The following NUSAP1 variants were observed in gnomAD, a reference collection of about 807,000 sequenced individuals.
NUSAP1 encodes the protein nucleolar and spindle-associated protein 1.
Under a neutral mutation model 52.8 loss-of-function variants are expected in NUSAP1, and 32 were observed. The observed-to-expected ratio is 0.61, with a 90% confidence interval of 0.46 to 0.81. The LOEUF (loss-of-function observed/expected upper bound fraction) is 0.81. NUSAP1 is among the 40% of genes least tolerant of loss of function. NUSAP1 has a pLI of 0.00. For missense variants in NUSAP1, 499 were observed against 522.3 expected (o/e 0.96, Z 0.43); for synonymous variants, 195 against 183.1 (o/e 1.06, Z -0.52).
At chr15:41,365,220 G>A (rs1034048061) in intron 6 of NUSAP1, among the ~76,000 whole-genome samples, 182 bp from the exon 7 acceptor site, 1 of 150,636 alleles carries the variant, frequency 6.6e-6, no homozygotes, top group Non-Finnish European at 1.5e-5. Flanking sequence ...AGGCTGGTGT[G>A]ATCTCGGCTC....
At chr15:41,352,648 G>A (rs1414887073) in intron 4 of NUSAP1, among the ~76,000 whole-genome samples, 9 of 151,836 alleles carry the variant, frequency 5.9e-5, no homozygotes, top group Admixed American at 5.3e-4. Context: ...GAGCACAGTG[G>A]CACGATCTCA....
At position 41,351,082 on chromosome 15, in the gene NUSAP1, C is replaced by A. The variant is rs373496789; in HGVS notation, c.401C>A (p.Pro134His). The A allele has an allele frequency of 1.5e-4, 239 of 1,613,524 alleles. No individual in the cohort carries two copies. Among genetic ancestry groups the A allele is most frequent in the Non-Finnish European group, 1.9e-4 (223 of 1,179,776 alleles). The change falls in exon 4 of 11, where the codon CCT becomes CAT. Residue 134 changes from proline to histidine, a missense_variant. Physicochemically the swap from Pro to His is moderately conservative, Grantham distance 77. Transcript: ENST00000559596. ...GATCTCAGAGCTACTGCAAAAGTTC[C>A]TTCTCCACCAGACGAGCACCAAGAA... ...SQDLRATAKV[P>H]SPPDEHQEAE...
rs145918893 is a variant in NUSAP1 at position 41,364,605 on chromosome 15, C to T, written c.661-797C>T. Among the ~76,000 whole-genome samples, 383 of 152,126 alleles carry T rather than the reference C, an allele frequency of 2.5e-3. 2 individuals carry two copies. Among genetic ancestry groups the T allele is most frequent in the South Asian group, 6.5e-3 (31 of 4,800 alleles). The stretch of plus-strand genomic sequence containing the variant: ...CCAGATAGCTGGGCACAGTGGCTCA[C>T]GCCTGTAATCCAAACACTTTGGGAC... On this transcript the variant is annotated intron_variant, in intron 6 of 10. Transcript: ENST00000559596.
In NUSAP1 at chr15:41,380,513, G is replaced by T. The variant is rs547616545; in HGVS notation, c.*327G>T. The T allele has an allele frequency of 4.9e-6, 1 of 205,962 alleles. No individual in the cohort carries two copies. The highest frequency in any genetic ancestry group is 7.6e-5 in the South Asian group (1 of 13,140). The allele number at this position is 205,962 out of a possible 1,614,324, so 12.8% of individuals were successfully genotyped here. A position where few individuals can be genotyped will look rare whatever the true frequency, so the allele number is the denominator to read the frequency against. ...TGGTTCTAATATTAACAGAACTGCA[G>T]TCTTCTGCTAGCCAATAGCATTTAC... On this transcript the variant is annotated 3_prime_UTR_variant, in exon 11 of 11. Coordinates refer to ENST00000559596, the MANE Select transcript of NUSAP1 (RefSeq NM_016359.5).
intron 8 of NUSAP1, 69 bp downstream of exon 8, chr15:41,371,753 G>T: frequency 6.7e-7 from 1 of 1,493,016 alleles, no homozygotes; most frequent in Non-Finnish European, 8.9e-7. Context: ...AAATGATTAG[G>T]TATATCTGTT....
rs398026995 is a variant in NUSAP1, at chr15:41,356,354, C to CTTT, written c.550+230_550+232dup. On this transcript the variant is annotated intron_variant, in intron 5 of 10. Coordinates refer to ENST00000559596, the MANE Select transcript of NUSAP1 (RefSeq NM_016359.5). Reference sequence around the variant, plus strand: ...GTTATACTATAGTGCCTATTTCTTTCTTTTTTTTTTTTTTTTTTGAGACAG... The same window carrying CTTT: ...GTTATACTATAGTGCCTATTTCTTTCTTTTTTTTTTTTTTTTTTTTTGAGACAG... 6.4e-3 allele frequency among the ~76,000 whole-genome samples: 797 copies of CTTT among 124,606 alleles called. 33 individuals carry two copies. The highest frequency in any genetic ancestry group is 0.016 in the African/African-American group (532 of 33,314). The allele number at this position is 124,606 out of a possible 152,430, so 81.7% of individuals were successfully genotyped here. A position where few individuals can be genotyped will look rare whatever the true frequency, so the allele number is the denominator to read the frequency against.
At chr15:41,355,420 C>A (rs907341002) in intron 4 of NUSAP1, among the ~76,000 whole-genome samples, 5 of 152,014 alleles carry the variant, frequency 3.3e-5, no homozygotes, top group Non-Finnish European at 1.5e-5. Flanking sequence ...ATCCACCCGC[C>A]TCGGCCTCCC....
At chr15:41,365,639 T>C in intron 7 of NUSAP1, 50 bp downstream of exon 7, 1 of 1,419,196 alleles carries the variant, frequency 7.0e-7, no homozygotes, top group Non-Finnish European at 9.4e-7. Context: ...TCACATGGAC[T>C]ATATAAAAAA....
At chr15:41,360,885 C>T (rs1042022329) in intron 6 of NUSAP1, among the ~76,000 whole-genome samples, 6 of 151,260 alleles carry the variant, frequency 4.0e-5, no homozygotes, top group Non-Finnish European at 8.8e-5. Context: ...ACCTGCACCT[C>T]CCGGGTTCGA....
At chr15:41,351,267 T>C in intron 4 of NUSAP1, 138 bp downstream of exon 4, 1 of 835,206 alleles carries the variant, frequency 1.2e-6, no homozygotes, top group Non-Finnish European at 1.8e-6. Context: ...ATTTACTCTT[T>C]CATAGTTCTA....
rs1037657831 is a variant in NUSAP1, at chr15:41,377,216, C to A, written c.1144C>A (p.Gln382Lys). The change falls in exon 10 of 11, where the codon CAA becomes AAA. Residue 382 changes from glutamine (Q) to lysine (K), a missense_variant. Physicochemically the swap from Gln to Lys is moderately conservative, Grantham distance 53. Transcript: ENST00000559596. ...ACTAGGAAAGCTAAAACCATGGGGG[C>A]AATCTAAAGAAAATAATTATCTAAA... ...PHKGKLKPWG[Q>K]SKENNYLNQH... The A allele has an allele frequency of 6.6e-6, 10 of 1,519,940 alleles. No homozygotes were observed. The highest frequency in any genetic ancestry group is 8.9e-6 in the Non-Finnish European group (10 of 1,127,320). The allele number at this position is 1,519,940 out of a possible 1,614,324, so 94.2% of individuals were successfully genotyped here. A position where few individuals can be genotyped will look rare whatever the true frequency, so the allele number is the denominator to read the frequency against.
At chr15:41,376,388 G>GA (rs1341081718) in intron 9 of NUSAP1, among the ~76,000 whole-genome samples, 1 of 151,574 alleles carries the variant, frequency 6.6e-6, no homozygotes, top group Non-Finnish European at 1.5e-5. Context: ...GACATAGTGA[G>GA]ACCACGCCTC....
chr15:41,368,523 T>A (rs1337313427), intron 7 of NUSAP1, among the ~76,000 whole-genome samples: 2 of 152,096 alleles, frequency 1.3e-5, no homozygotes, highest in Non-Finnish European at 2.9e-5. Flanking sequence ...TTGATCCCTG[T>A]TTTTGTTTAC....
chr15:41,365,777 G>T, intron 7 of NUSAP1, 188 bp downstream of exon 7: 1 of 297,026 alleles, frequency 3.4e-6, no homozygotes, highest in Non-Finnish European at 6.1e-6. Context: ...CTGGAGTGCA[G>T]TGGCGCAATC....
intron 1 of NUSAP1, among the ~76,000 whole-genome samples, chr15:41,333,673 C>G (rs2048007307): frequency 6.6e-6 from 1 of 152,200 alleles, no homozygotes; most frequent in Non-Finnish European, 1.5e-5. Flanking sequence ...GTAATCCCAG[C>G]ACTTTGGGAG....
At chr15:41,376,483 C>T (rs1439274420) in intron 9 of NUSAP1, among the ~76,000 whole-genome samples, 2 of 151,180 alleles carry the variant, frequency 1.3e-5, no homozygotes, top group African/African-American at 2.4e-5. Flanking sequence ...TTCAGGAGAT[C>T]GAGACCATCC....
intron 1 of NUSAP1, among the ~76,000 whole-genome samples, chr15:41,333,401 G>A (rs1053060264): frequency 1.3e-5 from 2 of 152,046 alleles, no homozygotes; most frequent in South Asian, 4.1e-4. Flanking sequence ...GTCGTTAATC[G>A]TTAGACAATT....
intron 4 of NUSAP1, among the ~76,000 whole-genome samples, chr15:41,353,516 T>C (rs2048852362): frequency 6.6e-6 from 1 of 152,162 alleles, no homozygotes; most frequent in South Asian, 2.1e-4. Flanking sequence ...CCTGCGACCA[T>C]TCCAACACTG....
At chr15:41,379,295 A>ATTTTTTTTTTTTTTTTTTTTTTT (rs111232099) in intron 10 of NUSAP1, among the ~76,000 whole-genome samples, 1 of 145,568 alleles carries the variant, frequency 6.9e-6, no homozygotes, top group Non-Finnish European at 1.5e-5. Context: ...TTTAAAACAA[A>ATTTTTTTTTTTTTTTTTTTTTTT]TTTTTTTTTT....
Sources: gnomAD v4.1 joint callset for allele counts (sites outside exome capture counted in the v4.1 genomes callset) on GRCh38, gnomAD v4.1.1 for gene constraint, MANE v1.5 for transcripts, NCBI Gene and HGNC (gene_info 2026-07-23, HGNC 2026-07-21) for gene names.